Variants in PDE1C observed in about 807,000 individuals in gnomAD.
PDE1C encodes the protein dual specificity calcium/calmodulin-dependent 3',5'-cyclic nucleotide phosphodiesterase 1C.
PDE1C carries 62 observed loss-of-function variants against 93.1 expected under a neutral mutation model. The observed-to-expected ratio is 0.67, with a 90% confidence interval of 0.54 to 0.82. The LOEUF (loss-of-function observed/expected upper bound fraction) is 0.82, where lower values mean the gene tolerates loss of function less well. Ranked by LOEUF, PDE1C falls within the 40% of genes least tolerant of loss-of-function variation. PDE1C has a pLI of 0.00. For synonymous variants in PDE1C, 325 were observed against 310.1 expected (o/e 1.05, Z -0.50); for missense variants, 742 against 884.6 (o/e 0.84, Z 2.04).
chr7:31,915,936 G>T (rs1319488618), intron 2 of PDE1C, among the ~76,000 whole-genome samples: 4 of 152,080 alleles, frequency 2.6e-5, no homozygotes, highest in African/African-American at 9.7e-5. Flanking sequence ...GGGACAAAAA[G>T]GTATGATCTA....
intron 2 of PDE1C, among the ~76,000 whole-genome samples, chr7:31,921,253 C>T (rs1355172335): frequency 6.6e-6 from 1 of 152,156 alleles, no homozygotes; most frequent in Non-Finnish European, 1.5e-5. Flanking sequence ...GAATTCAAAA[C>T]TGAGTTAAGA....
At chr7:31,651,914 GTTA>G in the PDE1C span, 1 of 1,525,278 alleles carries the variant, frequency 6.6e-7, no homozygotes, top group Non-Finnish European at 8.9e-7. Flanking sequence ...GTTAAATTTG[GTTA>G]TTTTCTATTA....
At chr7:31,846,804 GA>G (rs1792684198) in intron 9 of PDE1C, among the ~76,000 whole-genome samples, 1 of 152,088 alleles carries the variant, frequency 6.6e-6, no homozygotes, top group South Asian at 2.1e-4. Flanking sequence ...ATGATTAATT[GA>G]ATTGCTCTGC....
rs114642248 is a variant in PDE1C, at chr7:31,802,524, T to C, written c.1891+6507A>G. 3.0e-3 allele frequency among the ~76,000 whole-genome samples: 450 copies of C among 151,840 alleles called. 1 individual carries two copies. The highest frequency in any genetic ancestry group is 0.01 in the African/African-American group (425 of 41,504). ...TTGCCATTTTTAATGCTTTTCATTC[T>C]TTTGTACAGATCTATATTTTCATAC... On this transcript the variant is annotated intron_variant, in intron 16 of 17. Transcript: ENST00000396191.
the PDE1C span, among the ~76,000 whole-genome samples, chr7:31,714,086 C>T: frequency 6.6e-6 from 1 of 152,316 alleles, no homozygotes; most frequent in South Asian, 2.1e-4. Context: ...TATTGTCAGG[C>T]TGCAAATTTT....
At chr7:31,810,003 C>T (rs1787355368) in intron 15 of PDE1C, among the ~76,000 whole-genome samples, 1 of 152,084 alleles carries the variant, frequency 6.6e-6, no homozygotes, top group South Asian at 2.1e-4. Context: ...TACTCATTTA[C>T]CTATTGTCCT....
intron 3 of PDE1C, chr7:32,078,015 T>C (rs1796447711): frequency 1.0e-6 from 1 of 985,386 alleles, no homozygotes; most frequent in Non-Finnish European, 1.2e-6. Context: ...CCTCTCAGAA[T>C]ACACTGCCAA....
chr7:31,829,361 C>T lies in PDE1C; in HGVS notation c.1204-988G>A, dbSNP rs76330427. On this transcript the variant is annotated intron_variant, in intron 11 of 17. Transcript: ENST00000396191. ...AAAAAGAACTACTGTTGTTTCCCAA[C>T]AGGTGGCTCTAATATTTAAGGCCAA... is the stretch of plus-strand genomic sequence containing the variant. Among the ~76,000 whole-genome samples, 1,350 of 152,256 alleles carry T rather than the reference C, an allele frequency of 8.9e-3. 6 individuals carry two copies. Among genetic ancestry groups the T allele is most frequent in the Non-Finnish European group, 0.014 (935 of 68,014 alleles).
At chr7:31,665,854 T>C in the PDE1C span, among the ~76,000 whole-genome samples, 1 of 152,150 alleles carries the variant, frequency 6.6e-6, no homozygotes, top group Admixed American at 6.6e-5. Flanking sequence ...TCCCAGGGGG[T>C]TGAACATTAG....
chr7:32,183,288 T>C (rs1312125697), intron 2 of PDE1C, among the ~76,000 whole-genome samples: 4 of 152,136 alleles, frequency 2.6e-5, no homozygotes, highest in Non-Finnish European at 5.9e-5. Context: ...TTCACAGAAT[T>C]GGAAAAAACT....
the PDE1C span, among the ~76,000 whole-genome samples, chr7:31,638,874 T>G: frequency 6.6e-6 from 1 of 152,176 alleles, no homozygotes; most frequent in Non-Finnish European, 1.5e-5. Context: ...CCTCCCAGGT[T>G]CGAGCAATTC....
chr7:31,899,417 C>T (rs1008353023), intron 2 of PDE1C, among the ~76,000 whole-genome samples: 2 of 152,052 alleles, frequency 1.3e-5, no homozygotes, highest in African/African-American at 4.8e-5. Context: ...GGATTACAGG[C>T]GTAAGTAAGC....
intron 1 of PDE1C, among the ~76,000 whole-genome samples, chr7:32,221,515 T>C (rs1806861630): frequency 6.6e-6 from 1 of 152,192 alleles, no homozygotes; most frequent in South Asian, 2.1e-4. Flanking sequence ...CATTTTCAGA[T>C]GCTCTGGACC....
At chr7:32,071,125 C>T (rs1224373317), upstream of PDE1C, 24 of 985,416 alleles carry the variant, frequency 2.4e-5, no homozygotes, top group Non-Finnish European at 2.9e-5. Context: ...GGCTCCGACC[C>T]CGGCCGGGCA....
chr7:31,927,389 C>T (rs1803541514), intron 2 of PDE1C, among the ~76,000 whole-genome samples: 1 of 152,110 alleles, frequency 6.6e-6, no homozygotes, highest in Non-Finnish European at 1.5e-5. Flanking sequence ...ACTTAATGTT[C>T]CTGCCTGCCG....
intron 15 of PDE1C, among the ~76,000 whole-genome samples, chr7:31,810,478 G>A (rs1315726461): frequency 1.3e-5 from 2 of 152,106 alleles, no homozygotes; most frequent in African/African-American, 4.8e-5. Flanking sequence ...TTATGAAGGG[G>A]CTACTATTAT....
intron 6 of PDE1C, among the ~76,000 whole-genome samples, chr7:31,872,481 A>T (rs1349434146): frequency 6.6e-6 from 1 of 152,156 alleles, no homozygotes; most frequent in Non-Finnish European, 1.5e-5. Flanking sequence ...GTGTAACAAA[A>T]TATCACATGT....
chr7:31,685,083 C>T, the PDE1C span, among the ~76,000 whole-genome samples: 2 of 151,268 alleles, frequency 1.3e-5, no homozygotes, highest in Admixed American at 1.3e-4. Flanking sequence ...TATTGACACA[C>T]ACAACAACCT....
chr7:31,824,828 G>A, intron 13 of PDE1C, 39 bp downstream of exon 13: 1 of 1,607,958 alleles, frequency 6.2e-7, no homozygotes, highest in South Asian at 1.1e-5. Context: ...CTCAAGGACA[G>A]GCCAACCTCA....
Sources: allele counts gnomAD v4.1 joint callset (sites outside exome capture counted in the v4.1 genomes callset), GRCh38; gene constraint gnomAD v4.1.1; transcripts MANE v1.5; gene names NCBI Gene and HGNC (gene_info 2026-07-23, HGNC 2026-07-21).